The following HTR7 variants were observed in gnomAD, a reference collection of about 807,000 sequenced individuals.
HTR7 encodes 5-HT-7.
In HTR7, 16 loss-of-function variants were observed where a neutral mutation model predicts 34.0. The observed-to-expected ratio is 0.47, with a 90% CI of 0.32 to 0.71. The LOEUF is 0.71. Ranked by LOEUF, HTR7 falls within the 30% of genes least tolerant of loss-of-function variation. The pLI is 0.04. For synonymous variants in HTR7, 265 were observed against 260.2 expected (o/e 1.02, Z -0.18); for missense variants, 504 against 625.5 (o/e 0.81, Z 2.07).
chr10:90,789,110 T>C (rs1442350746), intron 1 of HTR7, among the ~76,000 whole-genome samples: 2 of 152,232 alleles, frequency 1.3e-5, no homozygotes, highest in African/African-American at 4.8e-5. Context: ...GGGGACTTTC[T>C]TAAGTTTCTC....
rs569860678 is a variant in HTR7 at position 90,763,144 on chromosome 10, T to G, written c.540-13550A>C. The stretch of plus-strand genomic sequence containing the variant: ...GTCTTTTCTGATTCCATATGAATTT[T>G]AGGATTGTTTTCTGTTTCTGTGAAA... On this transcript the variant is annotated intron_variant, in intron 1 of 3. Coordinates refer to ENST00000336152, the MANE Select transcript of HTR7 (RefSeq NM_019859.4). Among the ~76,000 whole-genome samples, 15 of 152,348 alleles carry G rather than the reference T, an allele frequency of 9.8e-5. No homozygotes were observed. The South Asian group carries it at 3.1e-3, about 32-fold the overall frequency.
At chr10:90,850,596 G>A (rs1034708890) in intron 1 of HTR7, among the ~76,000 whole-genome samples, 4 of 152,090 alleles carry the variant, frequency 2.6e-5, no homozygotes, top group African/African-American at 4.8e-5. Context: ...GTCAGGAAAC[G>A]AAGAGTCAAA....
chr10:90,799,703 G>T (rs1177234618), intron 1 of HTR7, among the ~76,000 whole-genome samples: 3 of 152,156 alleles, frequency 2.0e-5, no homozygotes, highest in Non-Finnish European at 2.9e-5. Flanking sequence ...GCAAACAGCT[G>T]CTGTTCCAAG....
intron 1 of HTR7, among the ~76,000 whole-genome samples, chr10:90,854,964 C>T (rs749116613): frequency 2.0e-5 from 3 of 152,118 alleles, no homozygotes; most frequent in Admixed American, 1.3e-4. Context: ...TATTCTACAA[C>T]GGAATTGCAG....
intron 1 of HTR7, among the ~76,000 whole-genome samples, chr10:90,818,663 C>T (rs917728561): frequency 6.6e-6 from 1 of 152,084 alleles, no homozygotes; most frequent in Non-Finnish European, 1.5e-5. Flanking sequence ...ACAAAGGCCC[C>T]CACTAGATGC....
intron 1 of HTR7, among the ~76,000 whole-genome samples, chr10:90,823,606 T>G (rs1426025150): frequency 6.6e-6 from 1 of 152,176 alleles, no homozygotes; most frequent in African/African-American, 2.4e-5. Flanking sequence ...TCTGGGGGAC[T>G]GTTGGGAAGG....
intron 1 of HTR7, among the ~76,000 whole-genome samples, chr10:90,810,303 C>T (rs915865141): frequency 6.6e-6 from 1 of 152,070 alleles, no homozygotes; most frequent in Non-Finnish European, 1.5e-5. Flanking sequence ...CTTGTATCCC[C>T]CCACCTTAAC....
intron 1 of HTR7, among the ~76,000 whole-genome samples, chr10:90,802,517 A>G (rs1283322991): frequency 1.3e-5 from 2 of 152,236 alleles, no homozygotes; most frequent in African/African-American, 4.8e-5. Context: ...GAGGCTTTTG[A>G]ATTGAGTCAC....
chr10:90,824,855 C>A (rs940195739), intron 1 of HTR7, among the ~76,000 whole-genome samples: 19 of 152,212 alleles, frequency 1.2e-4, no homozygotes, highest in African/African-American at 4.3e-4. Context: ...TCTTTGGTTT[C>A]TGACTTCAGG....
At chr10:90,791,069 T>C (rs1845453013) in intron 1 of HTR7, among the ~76,000 whole-genome samples, 1 of 152,086 alleles carries the variant, frequency 6.6e-6, no homozygotes, top group Non-Finnish European at 1.5e-5. Flanking sequence ...ATCCTACATA[T>C]ATATTTCATT....
intron 1 of HTR7, among the ~76,000 whole-genome samples, chr10:90,806,215 G>A (rs1845703544): frequency 6.6e-6 from 1 of 152,164 alleles, no homozygotes; most frequent in African/African-American, 2.4e-5. Flanking sequence ...AAAATTAAAT[G>A]GATAGAAAGA....
chr10:90,753,622 TAAG>T (rs1215841499), intron 1 of HTR7, among the ~76,000 whole-genome samples: 1 of 152,090 alleles, frequency 6.6e-6, no homozygotes, highest in East Asian at 1.9e-4. Context: ...GATTTTGTCT[TAAG>T]AAGATAATTG....
chr10:90,821,852 ACTCT>A (rs148670223), intron 1 of HTR7, among the ~76,000 whole-genome samples: 24,784 of 149,766 alleles, frequency 0.17, 2,009 homozygotes, highest in African/African-American at 0.18. Flanking sequence ...CTCCCCCTTC[ACTCT>A]CTCTCTCTCT....
Position 90,751,280 on chromosome 10 carries a change from CAGA to C in HTR7, c.540-1689_540-1687del, listed in dbSNP as rs1207727057. Among the ~76,000 whole-genome samples, 7 of 152,122 alleles carry C rather than the reference CAGA, an allele frequency of 4.6e-5. No individual in the cohort carries two copies. The South Asian group carries it at 1.5e-3, about 32-fold the overall frequency. ...GCGGGCAGTGCGGGGGAAAGTAACT[CAGA>C]AGAAGAGAGGGAGTGAAGGAGTAAG... On this transcript the variant is annotated intron_variant, in intron 1 of 3. Coordinates refer to ENST00000336152, the MANE Select transcript of HTR7 (RefSeq NM_019859.4).
At chr10:90,776,235 G>A (rs1845207965) in intron 1 of HTR7, among the ~76,000 whole-genome samples, 1 of 152,172 alleles carries the variant, frequency 6.6e-6, no homozygotes, top group Non-Finnish European at 1.5e-5. Flanking sequence ...GTCTGTAATA[G>A]TTGACTACTT....
intron 1 of HTR7, among the ~76,000 whole-genome samples, chr10:90,775,548 A>G (rs1041155487): frequency 1.3e-5 from 2 of 152,206 alleles, no homozygotes; most frequent in Admixed American, 6.5e-5. Context: ...ATACATTCCA[A>G]AGTGGTCAGA....
intron 1 of HTR7, among the ~76,000 whole-genome samples, chr10:90,756,499 G>A (rs1356730632): frequency 6.6e-6 from 1 of 152,128 alleles, no homozygotes; most frequent in Non-Finnish European, 1.5e-5. Flanking sequence ...GTGTTTCTAA[G>A]CTACACTTAC....
At chr10:90,766,813 G>T (rs544325879) in intron 1 of HTR7, among the ~76,000 whole-genome samples, 1 of 152,184 alleles carries the variant, frequency 6.6e-6, no homozygotes, top group Admixed American at 6.5e-5. Flanking sequence ...AAACTCTACA[G>T]TCATCTCTTC....
chr10:90,847,793 A>G (rs1464493449), intron 1 of HTR7, among the ~76,000 whole-genome samples: 1 of 152,262 alleles, frequency 6.6e-6, no homozygotes, highest in Non-Finnish European at 1.5e-5. Flanking sequence ...CATTAAAACA[A>G]TAACTGTATC....
Sources: allele counts gnomAD v4.1 joint callset (sites outside exome capture counted in the v4.1 genomes callset), GRCh38; gene constraint gnomAD v4.1.1; transcripts MANE v1.5; gene names NCBI Gene and HGNC (gene_info 2026-07-23, HGNC 2026-07-21).